Variants in PTPRN2 observed in about 807,000 individuals in gnomAD.
The protein encoded by PTPRN2 is receptor-type tyrosine-protein phosphatase N2.
A neutral mutation model predicts 118.8 loss-of-function variants in PTPRN2; 74 were observed. That is an observed-to-expected ratio of 0.62 (90% confidence interval 0.52 to 0.76). The LOEUF is 0.76. Ranked by LOEUF, PTPRN2 falls within the 30% of genes least tolerant of loss-of-function variation. The probability of loss-of-function intolerance (pLI) is 0.00; values close to 1 mark genes in which losing one functional copy is unlikely to be tolerated. For synonymous variants in PTPRN2, 641 were observed against 608.0 expected, an observed-to-expected ratio of 1.05 and a Z score of -0.80; for missense variants, 1,481 against 1,394.4, an observed-to-expected ratio of 1.06 and a Z score of -0.99.
At chr7:157,814,793 T>C (rs1258276399) in intron 12 of PTPRN2, among the ~76,000 whole-genome samples, 1 of 152,198 alleles carries the variant, frequency 6.6e-6, no homozygotes, top group South Asian at 2.1e-4. Context: ...GAGCTTCTTT[T>C]CATCTTTGAA....
At chr7:158,061,089 G>A (rs1810291938) in intron 11 of PTPRN2, among the ~76,000 whole-genome samples, 2 of 152,238 alleles carry the variant, frequency 1.3e-5, no homozygotes, top group African/African-American at 2.4e-5. Context: ...TGAGCCAGGC[G>A]GCTTTGTCCG....
chr7:157,785,065 C>T lies in PTPRN2; in HGVS notation c.1789-102128G>A, dbSNP rs1286185866. 6.6e-6 allele frequency among the ~76,000 whole-genome samples: 1 copy of T among 152,048 alleles called. No homozygotes were observed. The highest frequency in any genetic ancestry group is 2.4e-5 in the African/African-American group (1 of 41,398). ...ACGGCTGTTACAGCCGCTGTTTCAT[C>T]GCGTCGTCATAGGAGTTGAACAAAG... On this transcript the variant is annotated intron_variant, in intron 12 of 22. Coordinates refer to ENST00000389418, the MANE Select transcript of PTPRN2 (RefSeq NM_002847.5). The surrounding 1 kb of genome is among the most constrained non-coding windows in gnomAD (Gnocchi z 7.3).
At chr7:158,217,120 G>C (rs1378892619) in intron 3 of PTPRN2, among the ~76,000 whole-genome samples, 1 of 152,122 alleles carries the variant, frequency 6.6e-6, no homozygotes, top group Non-Finnish European at 1.5e-5. Flanking sequence ...GGCCCTACTG[G>C]AGCACTTTTG....
chr7:157,728,086 C>T (rs550607615), intron 12 of PTPRN2, among the ~76,000 whole-genome samples: 4 of 152,296 alleles, frequency 2.6e-5, no homozygotes, highest in African/African-American at 4.8e-5. Flanking sequence ...ACCTGGTACC[C>T]GGTGGGTACC....
At position 158,192,471 on chromosome 7, in the gene PTPRN2, G is replaced by A. The variant is rs141067391; in HGVS notation, c.405C>T (p.Ser135=). 94 of 1,578,122 alleles carry A rather than the reference G, an allele frequency of 6.0e-5. No homozygotes were observed. The highest frequency in any genetic ancestry group is 5.7e-4 in the African/African-American group (41 of 72,392). ...CGCCCTCCCGACTGTACCTCCTCTC[G>A]CTGCCAACGCTGTGTTTTGAGGGCC... The part of the protein sequence containing the change: ...PARPSKHSVG[S]ERRYSREGGA... Residue 135 remains serine (S), a synonymous_variant, in exon 5 of 23, where the codon AGC becomes AGT. Coordinates refer to ENST00000389418, the MANE Select transcript of PTPRN2 (RefSeq NM_002847.5).
intron 2 of PTPRN2, among the ~76,000 whole-genome samples, chr7:158,357,490 A>C (rs888117103): frequency 6.6e-6 from 1 of 152,236 alleles, no homozygotes; most frequent in Non-Finnish European, 1.5e-5. Context: ...GACCCCGGAC[A>C]AGGCCAGGGG....
At chr7:158,192,663 C>T (rs549773351) in intron 4 of PTPRN2, among the ~76,000 whole-genome samples, 168 bp from the exon 5 acceptor site, 2 of 152,252 alleles carry the variant, frequency 1.3e-5, no homozygotes, top group South Asian at 2.1e-4. Flanking sequence ...CCCGGGCCCC[C>T]GAGCCTGTGT....
intron 11 of PTPRN2, among the ~76,000 whole-genome samples, chr7:157,919,415 G>A (rs924600505): frequency 3.9e-5 from 6 of 152,144 alleles, no homozygotes; most frequent in African/African-American, 4.8e-5. Flanking sequence ...ATGATTCCCC[G>A]GAGGTGGGTT....
chr7:157,559,649 T>A (rs1485565535), intron 21 of PTPRN2, among the ~76,000 whole-genome samples: 1 of 152,038 alleles, frequency 6.6e-6, no homozygotes, highest in African/African-American at 2.4e-5. Flanking sequence ...GGCAGGCAAG[T>A]GCGCAGGCCG....
chr7:158,295,936 A>G (rs1353837249), intron 3 of PTPRN2, among the ~76,000 whole-genome samples: 2 of 152,218 alleles, frequency 1.3e-5, no homozygotes, highest in Non-Finnish European at 2.9e-5. Context: ...TTTTCACATC[A>G]TCAGGCACCT....
At chr7:157,826,999 C>T (rs1166820493) in intron 12 of PTPRN2, among the ~76,000 whole-genome samples, 5 of 152,124 alleles carry the variant, frequency 3.3e-5, no homozygotes, top group African/African-American at 7.2e-5. Context: ...CATCTCCGAC[C>T]GTGTCCCCAG....
chr7:158,214,062 A>G (rs1827797999), intron 3 of PTPRN2, among the ~76,000 whole-genome samples: 1 of 152,086 alleles, frequency 6.6e-6, no homozygotes, highest in East Asian at 1.9e-4. Context: ...CCTTCCCGGA[A>G]GTCAGAAGAA....
At chr7:158,484,612 C>T (rs571800301) in intron 2 of PTPRN2, among the ~76,000 whole-genome samples, 2 of 152,356 alleles carry the variant, frequency 1.3e-5, no homozygotes, top group Admixed American at 1.3e-4. Context: ...ATCTGCCCGC[C>T]TCGGCCTCCT....
At chr7:158,479,821 G>A (rs987237548) in intron 2 of PTPRN2, among the ~76,000 whole-genome samples, 1 of 152,240 alleles carries the variant, frequency 6.6e-6, no homozygotes, top group African/African-American at 2.4e-5. Context: ...GAGCTCACAG[G>A]GTACTACGGG....
In PTPRN2 at chr7:158,359,298, C is replaced by A. The variant is rs529733977; in HGVS notation, c.164-42366G>T. On this transcript the variant is annotated intron_variant, in intron 2 of 22. Transcript: ENST00000389418. ...TTCTGATTTGAACAGGATCAGACCT[C>A]AAGCACGAAATGAATGCTTTAAATA... Among the ~76,000 whole-genome samples the A allele has an allele frequency of 3.3e-5, 5 of 152,336 alleles. No individual in the cohort carries two copies. The South Asian group carries it at 1.0e-3, about 32-fold the overall frequency.
chr7:158,349,865 G>A (rs558336080), intron 2 of PTPRN2, among the ~76,000 whole-genome samples: 2 of 151,634 alleles, frequency 1.3e-5, no homozygotes, highest in South Asian at 4.2e-4. Flanking sequence ...GCTGAGGATG[G>A]CCCACGTCAC....
chr7:158,102,828 G>A (rs183222454), intron 10 of PTPRN2, among the ~76,000 whole-genome samples: 205 of 152,266 alleles, frequency 1.3e-3, no homozygotes, highest in African/African-American at 4.7e-3. Context: ...GGAGCTGATG[G>A]TCTGGGGAGA....
intron 12 of PTPRN2, among the ~76,000 whole-genome samples, chr7:157,726,926 T>C (rs775731854): frequency 3.3e-5 from 5 of 152,182 alleles, no homozygotes; most frequent in Non-Finnish European, 5.9e-5. Flanking sequence ...ACCAAAATCA[T>C]TGGGGAAGCA....
rs778556693 is a variant in PTPRN2 at position 158,133,948 on chromosome 7, C to T, written c.1285G>A (p.Glu429Lys). 4.3e-6 allele frequency: 7 copies of T among 1,614,016 alleles called. No homozygotes were observed. Among genetic ancestry groups the T allele is most frequent in the Non-Finnish European group, 5.9e-6 (7 of 1,180,040 alleles). ...GAAGACAGGGAAGACTCAGGGTGCT[C>T]GGACTTCTTCCTCTCCATGTCGAGG... ...RPLDMERKKS[E>K]HPESSLSSEE... The change falls in exon 9 of 23, where the codon GAG becomes AAG. Residue 429 changes from glutamate to lysine, a missense_variant. Glu to Lys is a moderately conservative substitution (Grantham distance 56). Transcript: ENST00000389418.
Sources: gnomAD v4.1 joint callset for allele counts (sites outside exome capture counted in the v4.1 genomes callset) on GRCh38, gnomAD v4.1.1 for gene constraint, Gnocchi (gnomAD v3.1) non-coding constraint, MANE v1.5 for transcripts, NCBI Gene and HGNC (gene_info 2026-07-23, HGNC 2026-07-21) for gene names.